PLCB4: variants seen among roughly 807,000 people sequenced by gnomAD.
The protein encoded by PLCB4 is 1-phosphatidylinositol 4,5-bisphosphate phosphodiesterase beta-4.
PLCB4 carries 77 observed loss-of-function variants against 178.8 expected under a neutral mutation model. The observed-to-expected ratio is 0.43, with a 90% confidence interval of 0.36 to 0.52. PLCB4 has a LOEUF of 0.52. Ranked by LOEUF, PLCB4 falls within the 20% of genes least tolerant of loss-of-function variation. PLCB4 has a pLI of 0.00. For missense variants in PLCB4, 1,024 were observed against 1,453.4 expected (o/e 0.70, Z 4.80); for synonymous variants, 496 against 490.8 (o/e 1.01, Z -0.14).
At chr20:9,258,138 T>C (rs2094256339) in intron 3 of PLCB4, among the ~76,000 whole-genome samples, 1 of 152,200 alleles carries the variant, frequency 6.6e-6, no homozygotes, top group Non-Finnish European at 1.5e-5. Context: ...ACAGATGTTT[T>C]AATTTAGCAT....
chr20:9,217,373 G>A lies in PLCB4; in HGVS notation c.-78-17G>A, dbSNP rs1173516499. 1 of 152,230 alleles carries A rather than the reference G, an allele frequency of 6.6e-6. No homozygotes were observed. Among genetic ancestry groups the A allele is most frequent in the East Asian group, 1.9e-4 (1 of 5,180 alleles). The allele number at this position is 152,230 out of a possible 1,614,324, so 9.4% of individuals were successfully genotyped here. The stretch of plus-strand genomic sequence containing the variant: ...AAAGTCCTTTACATCGATTTGTCTT[G>A]TCTGTGTCTGTTTCAGAGGACAGTG... On this transcript the variant is annotated splice_polypyrimidine_tract_variant and intron_variant, in intron 2 of 39. Coordinates refer to ENST00000378473, the MANE Select transcript of PLCB4 (RefSeq NM_001377142.1).
At chr20:9,243,315 T>A (rs1333409807) in intron 3 of PLCB4, among the ~76,000 whole-genome samples, 3 of 152,204 alleles carry the variant, frequency 2.0e-5, no homozygotes, top group African/African-American at 7.2e-5. Context: ...TTAAAGGGAA[T>A]GCTGCTGAGC....
rs2036342759 is a variant in PLCB4 at position 9,372,551 on chromosome 20, C to T, written c.686+148C>T. 1.1e-5 allele frequency: 6 copies of T among 530,534 alleles called. No individual in the cohort carries two copies. The South Asian group carries it at 1.4e-4, about 12-fold the overall frequency. 32.9% of individuals were successfully genotyped at this position (530,534 alleles called of 1,614,324 possible). A position where few individuals can be genotyped will look rare whatever the true frequency, so the allele number is the denominator to read the frequency against. ...TTACATTTTTAACCCCATACTTTAT[C>T]AGTGTAAAAGTTCACTCTGAGTTTT... On this transcript the variant is annotated intron_variant, in intron 11 of 39. Coordinates refer to ENST00000378473, the MANE Select transcript of PLCB4 (RefSeq NM_001377142.1).
chr20:9,144,701 G>GAGGGGAAGA (rs1376210791), intron 2 of PLCB4, among the ~76,000 whole-genome samples: 1 of 78,816 alleles, frequency 1.3e-5, no homozygotes, highest in South Asian at 7.4e-4. Context: ...GGAGGGGAAG[G>GAGGGGAAGA]AGGGGAAGAA....
intron 25 of PLCB4, among the ~76,000 whole-genome samples, chr20:9,417,018 T>C (rs2040297291): frequency 6.6e-6 from 1 of 152,192 alleles, no homozygotes; most frequent in African/African-American, 2.4e-5. Context: ...ATAATAAAGT[T>C]GACATCATCT....
intron 33 of PLCB4, among the ~76,000 whole-genome samples, chr20:9,457,164 C>T (rs999073847): frequency 2.0e-5 from 3 of 152,124 alleles, no homozygotes; most frequent in African/African-American, 7.2e-5. Flanking sequence ...CTGACAACAG[C>T]CCCTTAATGA....
chr20:9,308,218 C>G (rs2094793312), intron 4 of PLCB4, among the ~76,000 whole-genome samples: 1 of 152,102 alleles, frequency 6.6e-6, no homozygotes, highest in African/African-American at 2.4e-5. Flanking sequence ...ACAGTTTTTG[C>G]TTAATGCAGT....
chr20:9,259,818 G>GT (rs2094278912), intron 3 of PLCB4, among the ~76,000 whole-genome samples: 1 of 151,924 alleles, frequency 6.6e-6, no homozygotes, highest in Admixed American at 6.6e-5. Flanking sequence ...AAAAAAGAAT[G>GT]TAGAATACTT....
chr20:9,268,205 T>C (rs2094367983), intron 3 of PLCB4, among the ~76,000 whole-genome samples: 1 of 152,220 alleles, frequency 6.6e-6, no homozygotes, highest in Non-Finnish European at 1.5e-5. Context: ...TTAACTAGTA[T>C]GTTCACCACA....
chr20:9,387,834 T>C (rs1483573115), intron 15 of PLCB4, among the ~76,000 whole-genome samples: 3 of 152,254 alleles, frequency 2.0e-5, no homozygotes, highest in Non-Finnish European at 2.9e-5. Context: ...GTGTCTCCTT[T>C]TGTTATCTAC....
chr20:9,331,529 A>G (rs547082284), intron 4 of PLCB4, among the ~76,000 whole-genome samples: 97 of 152,330 alleles, frequency 6.4e-4, no homozygotes, highest in African/African-American at 2.3e-3. Flanking sequence ...ACTTAGCTGT[A>G]TCCCCATCCA....
rs1410150946 is a variant in PLCB4, at chr20:9,473,267, T to TC, written c.3409-12_3409-11insC. ...AGTTCAATCAGAATTTTTTTTTTTT[T>TC]TTTTTTTGCAGCTTGCCATGAAGCA... On this transcript the variant is annotated splice_polypyrimidine_tract_variant and intron_variant, in intron 37 of 39. Coordinates refer to ENST00000378473, the MANE Select transcript of PLCB4 (RefSeq NM_001377142.1). The TC allele has an allele frequency of 1.3e-6, 2 of 1,511,704 alleles. No individual in the cohort carries two copies. The highest frequency in any genetic ancestry group is 8.8e-7 in the Non-Finnish European group (1 of 1,131,192). 93.6% of individuals were successfully genotyped at this position (1,511,704 alleles called of 1,614,324 possible).
chr20:9,335,556 A>C (rs968920669), intron 4 of PLCB4, among the ~76,000 whole-genome samples: 1 of 152,202 alleles, frequency 6.6e-6, no homozygotes, highest in Non-Finnish European at 1.5e-5. Flanking sequence ...CACTATTACA[A>C]GTCTGAACCA....
At chr20:9,219,231 A>T (rs2093768720) in intron 3 of PLCB4, among the ~76,000 whole-genome samples, 1 of 152,188 alleles carries the variant, frequency 6.6e-6, no homozygotes, top group Non-Finnish European at 1.5e-5. Context: ...GCACTTTGGG[A>T]GGCCGAGGCG....
At chr20:9,443,224 A>G (rs2042216650) in intron 30 of PLCB4, among the ~76,000 whole-genome samples, 2 of 152,348 alleles carry the variant, frequency 1.3e-5, no homozygotes, top group South Asian at 4.1e-4. Flanking sequence ...ACATTGCTTA[A>G]ATGCTAAGAT....
intron 7 of PLCB4, among the ~76,000 whole-genome samples, chr20:9,358,757 A>C (rs2035060593): frequency 6.6e-6 from 1 of 152,066 alleles, no homozygotes; most frequent in South Asian, 2.1e-4. Flanking sequence ...AAATTAGCCG[A>C]GAGTGGTGGT....
intron 32 of PLCB4, among the ~76,000 whole-genome samples, chr20:9,450,991 TTA>T (rs971576355): frequency 2.0e-5 from 3 of 152,124 alleles, no homozygotes; most frequent in African/African-American, 7.2e-5. Context: ...CTGGGAAGAT[TTA>T]TATATGTTAC....
chr20:9,221,107 G>A lies in PLCB4; in HGVS notation c.-16+3655G>A, dbSNP rs954661251. Among the ~76,000 whole-genome samples, 3 of 152,100 alleles carry A rather than the reference G, an allele frequency of 2.0e-5. No homozygotes were observed. The East Asian group carries it at 5.8e-4, about 29-fold the overall frequency. ...GGGCTCCCAGGAGAAACTAGTGAGT[G>A]GGGGAAGGGAAGGGAAAGGGAAGAA... On this transcript the variant is annotated intron_variant, in intron 3 of 39. Transcript: ENST00000378473.
intron 36 of PLCB4, 58 bp from the exon 37 acceptor site, chr20:9,472,732 T>C: frequency 3.3e-6 from 3 of 916,908 alleles, no homozygotes; most frequent in Non-Finnish European, 5.1e-6. Context: ...TATTATTTGA[T>C]ATAATATTAA....
Sources: gnomAD v4.1 joint callset for allele counts (sites outside exome capture counted in the v4.1 genomes callset) on GRCh38, gnomAD v4.1.1 for gene constraint, MANE v1.5 for transcripts, NCBI Gene and HGNC (gene_info 2026-07-23, HGNC 2026-07-21) for gene names.